The following SPRYD4 variants were observed in gnomAD, a reference collection of about 807,000 sequenced individuals.
The protein encoded by SPRYD4 is SPRY domain containing 4, also known as SPRY domain-containing protein 4.
A neutral mutation model predicts 16.6 loss-of-function variants in SPRYD4; 12 were observed. The observed-to-expected ratio is 0.72, with a 90% confidence interval of 0.46 to 1.17. The LOEUF is 1.17. Ranked by LOEUF, SPRYD4 falls within the 50% of genes most tolerant of loss-of-function variation. The pLI, the probability that SPRYD4 is intolerant of heterozygous loss-of-function variation, is 0.00. For synonymous variants in SPRYD4, 98 were observed against 105.4 expected (o/e 0.93, Z 0.43); for missense variants, 260 against 260.2 (o/e 1.00, Z 0.00).
At position 56,474,233 on chromosome 12, in the gene SPRYD4, G is replaced by A; in HGVS notation, c.*4656G>A. On this transcript the variant is annotated 3_prime_UTR_variant, in exon 2 of 2. Coordinates refer to ENST00000338146, the MANE Select transcript of SPRYD4 (RefSeq NM_207344.4). Reference sequence around the variant, plus strand: ...GCCTCCCAAGTAGCTGGGATTACAGGTGCACACCACCACCCCCGGCTAATT... The same window carrying A: ...GCCTCCCAAGTAGCTGGGATTACAGATGCACACCACCACCCCCGGCTAATT... 2.8e-6 allele frequency: 1 copy of A among 353,566 alleles called. No homozygotes were observed. Among genetic ancestry groups the A allele is most frequent in the Non-Finnish European group, 5.4e-6 (1 of 186,334 alleles). The allele number at this position is 353,566 out of a possible 1,614,324, so 21.9% of individuals were successfully genotyped here.
Position 56,473,251 on chromosome 12 carries a change from G to A in SPRYD4, c.*3674G>A, listed in dbSNP as rs772500412. ...ACCCGAATTTCTGCCCCTTCACGCC[G>A]TGGGTCTAACTTCCGAGCACAGTGC... On this transcript the variant is annotated 3_prime_UTR_variant, in exon 2 of 2. Transcript: ENST00000338146. The A allele has an allele frequency of 4.3e-6, 7 of 1,614,024 alleles. No individual in the cohort carries two copies. The highest frequency in any genetic ancestry group is 3.3e-5 in the Admixed American group (2 of 59,986).
Position 56,478,759 on chromosome 12 carries a change from G to A in SPRYD4, c.*9182G>A, listed in dbSNP as rs960352365. On this transcript the variant is annotated 3_prime_UTR_variant, in exon 2 of 2. Coordinates refer to ENST00000338146, the MANE Select transcript of SPRYD4 (RefSeq NM_207344.4). Reference sequence around the variant, plus strand: ...TGTAATCCCAGCACTTTGGGAGGCCGAGGTGGGTGGATCACTTGAGATCAG... The same window carrying A: ...TGTAATCCCAGCACTTTGGGAGGCCAAGGTGGGTGGATCACTTGAGATCAG... 12 of 299,134 alleles carry A rather than the reference G, an allele frequency of 4.0e-5. No individual in the cohort carries two copies. The South Asian group carries it at 5.0e-4, about 13-fold the overall frequency. 18.5% of individuals were successfully genotyped at this position (299,134 alleles called of 1,614,324 possible).
At position 56,468,679 on chromosome 12, in the gene SPRYD4, A is replaced by C. The variant is rs1869101654; in HGVS notation, c.85+3A>C. On this transcript the variant is annotated splice_donor_region_variant and intron_variant, in intron 1 of 1. Coordinates refer to ENST00000338146, the MANE Select transcript of SPRYD4 (RefSeq NM_207344.4). ...TGCCTCCACAGAGGCCCAGAGAGGTAGGATTATCTCTTTTTACTCTTTTAC... is the reference window on the plus strand; with the variant it reads ...TGCCTCCACAGAGGCCCAGAGAGGTCGGATTATCTCTTTTTACTCTTTTAC... 1 of 1,613,078 alleles carries C rather than the reference A, an allele frequency of 6.2e-7. No homozygotes were observed. The highest frequency in any genetic ancestry group is 8.5e-7 in the Non-Finnish European group (1 of 1,179,156).
chr12:56,469,061 A>G lies in SPRYD4; in HGVS notation c.108A>G (p.Glu36=). 1.3e-6 allele frequency: 2 copies of G among 1,570,288 alleles called. No homozygotes were observed. The highest frequency in any genetic ancestry group is 1.7e-6 in the Non-Finnish European group (2 of 1,158,660). The change falls in exon 2 of 2, where the codon GAA becomes GAG. Residue 36 remains glutamate (E), a synonymous_variant. Coordinates refer to ENST00000338146, the MANE Select transcript of SPRYD4 (RefSeq NM_207344.4). ...AQRGVSFKLE[E]KTAHSSLALF... Reference sequence around the variant, plus strand: ...CAGGCGTCAGTTTCAAACTGGAAGAAAAAACCGCCCACAGCAGCCTGGCAC... The same window carrying G: ...CAGGCGTCAGTTTCAAACTGGAAGAGAAAACCGCCCACAGCAGCCTGGCAC...
rs1300041832 is a variant in SPRYD4, at chr12:56,474,830, A to G, written c.*5253A>G. On this transcript the variant is annotated 3_prime_UTR_variant, in exon 2 of 2. Coordinates refer to ENST00000338146, the MANE Select transcript of SPRYD4 (RefSeq NM_207344.4). The stretch of plus-strand genomic sequence containing the variant: ...AGTCTGTCCTGTTCCCTCGGCCCTG[A>G]GCAGTGTTTTCTTACCTGGAAGTAG... 1 of 1,613,418 alleles carries G rather than the reference A, an allele frequency of 6.2e-7. No homozygotes were observed. The highest frequency in any genetic ancestry group is 1.1e-5 in the South Asian group (1 of 91,056).
rs1035416503 is a variant in SPRYD4 at position 56,475,535 on chromosome 12, TTC to T, written c.*5965_*5966del. 11 of 1,359,530 alleles carry T rather than the reference TTC, an allele frequency of 8.1e-6. No homozygotes were observed. Among genetic ancestry groups the T allele is most frequent in the Non-Finnish European group, 1.1e-5 (11 of 966,986 alleles). The allele number at this position is 1,359,530 out of a possible 1,614,324, so 84.2% of individuals were successfully genotyped here. On this transcript the variant is annotated 3_prime_UTR_variant, in exon 2 of 2. Coordinates refer to ENST00000338146, the MANE Select transcript of SPRYD4 (RefSeq NM_207344.4). Reference sequence around the variant, plus strand: ...CCCCTGGGATTTCTTCCTCCTAAGATTCTCTCTCCCCCATTCCTCTTGTCCCC... The same window carrying T: ...CCCCTGGGATTTCTTCCTCCTAAGATTCTCTCCCCCATTCCTCTTGTCCCC...
rs1869800140 is a variant in SPRYD4 at position 56,476,197 on chromosome 12, TTGTCACCC to T, written c.*6621_*6628del. ...TTGAGACAGTCTTGCTTTGTCACCC[TTGTCACCC>T]AGGCTGGAGTGCAGTGGCACGATCA... On this transcript the variant is annotated 3_prime_UTR_variant, in exon 2 of 2. Transcript: ENST00000338146. 2.9e-5 allele frequency: 3 copies of T among 101,966 alleles called. No homozygotes were observed. Among genetic ancestry groups the T allele is most frequent in the Non-Finnish European group, 5.3e-5 (3 of 56,306 alleles). 6.3% of individuals were successfully genotyped at this position (101,966 alleles called of 1,614,324 possible).
At chr12:56,468,777 C>A (rs1869105486) in intron 1 of SPRYD4, 101 bp downstream of exon 1, 7 of 1,287,516 alleles carry the variant, frequency 5.4e-6, no homozygotes, top group Admixed American at 2.0e-5. Flanking sequence ...CGGGTCTTTT[C>A]CTTCCCCACC....
Position 56,471,699 on chromosome 12 carries a change from T to C in SPRYD4, c.*2122T>C. The C allele has an allele frequency of 6.2e-7, 1 of 1,612,144 alleles. No homozygotes were observed. The highest frequency in any genetic ancestry group is 1.3e-5 in the African/African-American group (1 of 75,000). ...GGAGACGTGGAGAGTGGTGGTTGTA[T>C]ATATTTGCATGGTGGCTGGAGGGTA... On this transcript the variant is annotated 3_prime_UTR_variant, in exon 2 of 2. Transcript: ENST00000338146.
Position 56,476,207 on chromosome 12 carries a change from G to GGCTC in SPRYD4, c.*6633_*6634insCGCT. Reference sequence around the variant, plus strand: ...CTTGCTTTGTCACCCTTGTCACCCAGGCTGGAGTGCAGTGGCACGATCATG... The same window carrying GGCTC: ...CTTGCTTTGTCACCCTTGTCACCCAGGCTCGCTGGAGTGCAGTGGCACGATCATG... On this transcript the variant is annotated 3_prime_UTR_variant, in exon 2 of 2. Transcript: ENST00000338146. 2.1e-6 allele frequency: 1 copy of GGCTC among 487,012 alleles called. No individual in the cohort carries two copies. The highest frequency in any genetic ancestry group is 2.2e-5 in the South Asian group (1 of 45,256). 30.2% of individuals were successfully genotyped at this position (487,012 alleles called of 1,614,324 possible). A position where few individuals can be genotyped will look rare whatever the true frequency, so the allele number is the denominator to read the frequency against.
Position 56,475,792 on chromosome 12 carries a change from T to C in SPRYD4, c.*6215T>C. 2.4e-6 allele frequency: 3 copies of C among 1,275,016 alleles called. No individual in the cohort carries two copies. Among genetic ancestry groups the C allele is most frequent in the South Asian group, 2.5e-5 (2 of 81,102 alleles). The allele number at this position is 1,275,016 out of a possible 1,614,324, so 79.0% of individuals were successfully genotyped here. A position where few individuals can be genotyped will look rare whatever the true frequency, so the allele number is the denominator to read the frequency against. On this transcript the variant is annotated 3_prime_UTR_variant, in exon 2 of 2. Coordinates refer to ENST00000338146, the MANE Select transcript of SPRYD4 (RefSeq NM_207344.4). ...CAGGTCTTGTCAAGAGGCTTTCCTC[T>C]CTGAGGCCAGCAGATTTCCACATTT... is the stretch of plus-strand genomic sequence containing the variant.
In SPRYD4 at chr12:56,477,527, CAT is replaced by C. The variant is rs1869927542; in HGVS notation, c.*7951_*7952del. 1.2e-6 allele frequency: 1 copy of C among 838,780 alleles called. No individual in the cohort carries two copies. The highest frequency in any genetic ancestry group is 1.7e-5 in the African/African-American group (1 of 58,754). 52.0% of individuals were successfully genotyped at this position (838,780 alleles called of 1,614,324 possible). ...TAACATGTGGGTCCCTGCTGTGCCTCATGTGCCTTCTGGGGACCCTCAAAGGA... is the reference window on the plus strand; with the variant it reads ...TAACATGTGGGTCCCTGCTGTGCCTCGTGCCTTCTGGGGACCCTCAAAGGA... On this transcript the variant is annotated 3_prime_UTR_variant, in exon 2 of 2. Coordinates refer to ENST00000338146, the MANE Select transcript of SPRYD4 (RefSeq NM_207344.4).
At position 56,471,196 on chromosome 12, in the gene SPRYD4, G is replaced by C. The variant is rs1187119376; in HGVS notation, c.*1619G>C. The C allele has an allele frequency of 6.9e-6, 3 of 435,952 alleles. No individual in the cohort carries two copies. Among genetic ancestry groups the C allele is most frequent in the Non-Finnish European group, 1.2e-5 (3 of 249,142 alleles). The allele number at this position is 435,952 out of a possible 1,614,324, so 27.0% of individuals were successfully genotyped here. The stretch of plus-strand genomic sequence containing the variant: ...CTTCAGGGAGAGGAAGAGGAGACCT[G>C]GGTGAAGAGCTGGGATGGTTTTGAG... On this transcript the variant is annotated 3_prime_UTR_variant, in exon 2 of 2. Transcript: ENST00000338146.
chr12:56,474,303 GGTC>G lies in SPRYD4; in HGVS notation c.*4727_*4729del. 4.0e-6 allele frequency: 2 copies of G among 503,222 alleles called. No individual in the cohort carries two copies. Among genetic ancestry groups the G allele is most frequent in the Non-Finnish European group, 7.2e-6 (2 of 278,118 alleles). 31.2% of individuals were successfully genotyped at this position (503,222 alleles called of 1,614,324 possible). A position where few individuals can be genotyped will look rare whatever the true frequency, so the allele number is the denominator to read the frequency against. On this transcript the variant is annotated 3_prime_UTR_variant, in exon 2 of 2. Coordinates refer to ENST00000338146, the MANE Select transcript of SPRYD4 (RefSeq NM_207344.4). The stretch of plus-strand genomic sequence containing the variant: ...GGGGTTTCACCATGTAGGTCAGGCT[GGTC>G]TCGAACTCCTGACCTCAGGTGATCC...
Position 56,475,591 on chromosome 12 carries a change from T to G in SPRYD4, c.*6014T>G. 1.2e-6 allele frequency: 2 copies of G among 1,606,000 alleles called. No homozygotes were observed. The highest frequency in any genetic ancestry group is 1.7e-6 in the Non-Finnish European group (2 of 1,172,650). On this transcript the variant is annotated 3_prime_UTR_variant, in exon 2 of 2. Coordinates refer to ENST00000338146, the MANE Select transcript of SPRYD4 (RefSeq NM_207344.4). Reference sequence around the variant, plus strand: ...CTAAGTACACACACATACACCACAATGCTTTCAGTCAGTCCTCTGAGTAGG... The same window carrying G: ...CTAAGTACACACACATACACCACAAGGCTTTCAGTCAGTCCTCTGAGTAGG...
At position 56,475,023 on chromosome 12, in the gene SPRYD4, C is replaced by T; in HGVS notation, c.*5446C>T. The T allele has an allele frequency of 2.5e-6, 4 of 1,614,084 alleles. No individual in the cohort carries two copies. Among genetic ancestry groups the T allele is most frequent in the Non-Finnish European group, 3.4e-6 (4 of 1,180,050 alleles). ...GCAGCAGAATTCCCAGGGACTTTCT[C>T]TTCCGGCCTCTTCTGGTTACCTTCT... On this transcript the variant is annotated 3_prime_UTR_variant, in exon 2 of 2. Transcript: ENST00000338146.
Position 56,479,645 on chromosome 12 carries a change from G to T in SPRYD4, c.*10068G>T. The T allele has an allele frequency of 3.9e-6, 4 of 1,034,174 alleles. No homozygotes were observed. The highest frequency in any genetic ancestry group is 5.3e-6 in the Non-Finnish European group (4 of 752,688). The allele number at this position is 1,034,174 out of a possible 1,614,324, so 64.1% of individuals were successfully genotyped here. ...TTGAACTCTTATGATGAGTATTCAT[G>T]TATAACTTATGTAATAAGTAATAAA... On this transcript the variant is annotated 3_prime_UTR_variant, in exon 2 of 2. Transcript: ENST00000338146.
chr12:56,472,905 TGA>T lies in SPRYD4; in HGVS notation c.*3331_*3332del. ...ATATTCTTTTTTTTTTTTTTTTTTTTGAGACGGAGTCTCGCTCTGTCGTTCAG... is the reference window on the plus strand; with the variant it reads ...ATATTCTTTTTTTTTTTTTTTTTTTTGACGGAGTCTCGCTCTGTCGTTCAG... On this transcript the variant is annotated 3_prime_UTR_variant, in exon 2 of 2. Transcript: ENST00000338146. 3.3e-6 allele frequency: 2 copies of T among 611,972 alleles called. No homozygotes were observed. Among genetic ancestry groups the T allele is most frequent in the Non-Finnish European group, 2.8e-6 (1 of 362,486 alleles). 37.9% of individuals were successfully genotyped at this position (611,972 alleles called of 1,614,324 possible). A position where few individuals can be genotyped will look rare whatever the true frequency, so the allele number is the denominator to read the frequency against.
Position 56,473,838 on chromosome 12 carries a change from C to A in SPRYD4, c.*4261C>A. 2 of 430,612 alleles carry A rather than the reference C, an allele frequency of 4.6e-6. No individual in the cohort carries two copies. The highest frequency in any genetic ancestry group is 8.1e-6 in the Non-Finnish European group (2 of 246,488). The allele number at this position is 430,612 out of a possible 1,614,324, so 26.7% of individuals were successfully genotyped here. On this transcript the variant is annotated 3_prime_UTR_variant, in exon 2 of 2. Coordinates refer to ENST00000338146, the MANE Select transcript of SPRYD4 (RefSeq NM_207344.4). Reference sequence around the variant, plus strand: ...TTCTGTGCTAGATGCTGTGCTAGAACTAGGAACTTCCATTCTGGTGTTAGG... The same window carrying A: ...TTCTGTGCTAGATGCTGTGCTAGAAATAGGAACTTCCATTCTGGTGTTAGG...
Sources: allele counts gnomAD v4.1 joint callset, GRCh38; gene constraint gnomAD v4.1.1; transcripts MANE v1.5; gene names NCBI Gene and HGNC (gene_info 2026-07-23, HGNC 2026-07-21).